NUDT3: variants seen among roughly 807,000 people sequenced by gnomAD.
NUDT3 encodes diphosphoinositol polyphosphate phosphohydrolase 1.
A neutral mutation model predicts 23.6 loss-of-function variants in NUDT3; 9 were observed. The observed-to-expected ratio is 0.38, with a 90% confidence interval of 0.23 to 0.66. The LOEUF is 0.66. NUDT3 is among the 30% of genes least tolerant of loss of function. NUDT3 has a pLI of 0.52. For synonymous variants in NUDT3, 86 were observed against 82.6 expected (o/e 1.04, Z -0.22); for missense variants, 172 against 218.5 (o/e 0.79, Z 1.34).
intron 1 of NUDT3, among the ~76,000 whole-genome samples, chr6:34,345,687 G>A (rs1038288885): frequency 6.7e-6 from 1 of 150,060 alleles, no homozygotes; most frequent in Non-Finnish European, 1.5e-5. Flanking sequence ...AAAAGCTGAA[G>A]GGACTCAGTG....
chr6:34,282,221 G>T lies in NUDT3; in HGVS notation c.*6532C>A, dbSNP rs1224659898. 1.3e-5 allele frequency: 2 copies of T among 151,718 alleles called. No homozygotes were observed. Among genetic ancestry groups the T allele is most frequent in the East Asian group, 3.9e-4 (2 of 5,182 alleles). 9.4% of individuals were successfully genotyped at this position (151,718 alleles called of 1,614,324 possible). A position where few individuals can be genotyped will look rare whatever the true frequency, so the allele number is the denominator to read the frequency against. On this transcript the variant is annotated 3_prime_UTR_variant, in exon 5 of 5. Coordinates refer to ENST00000607016, the MANE Select transcript of NUDT3 (RefSeq NM_006703.4). ...TTTAACCTGAGAAACTTTTTTTTTG[G>T]CAAGATAATAAAGAGGTTAAAGAGG...
At chr6:34,303,935 T>C (rs1482113212) in intron 2 of NUDT3, among the ~76,000 whole-genome samples, 3 of 152,074 alleles carry the variant, frequency 2.0e-5, no homozygotes, top group African/African-American at 7.2e-5. Context: ...GCCTAAAACA[T>C]TTACTATCTG....
chr6:34,317,357 G>A (rs1763878140), intron 2 of NUDT3, among the ~76,000 whole-genome samples: 1 of 151,904 alleles, frequency 6.6e-6, no homozygotes, highest in Admixed American at 6.6e-5. Flanking sequence ...CCTACCTACT[G>A]TATTTAAAGC....
intron 2 of NUDT3, among the ~76,000 whole-genome samples, chr6:34,323,279 C>T (rs898237779): frequency 6.6e-6 from 1 of 151,900 alleles, no homozygotes; most frequent in South Asian, 2.1e-4. Context: ...TGGGCGGGCA[C>T]AAAGAAAGAC....
At position 34,392,393 on chromosome 6, in the gene NUDT3, G is replaced by C. The variant is rs756860320; in HGVS notation, c.-31C>G. The stretch of plus-strand genomic sequence containing the variant: ...GGGCCCGGGTGGGGGTGCGGTGCGG[G>C]TCGCAGGAGTCGAGGGGTGGGGAGC... On this transcript the variant is annotated 5_prime_UTR_variant, in exon 1 of 5. Transcript: ENST00000607016. The C allele has an allele frequency of 7.5e-5, 117 of 1,558,634 alleles. No individual in the cohort carries two copies. Among genetic ancestry groups the C allele is most frequent in the South Asian group, 5.7e-5 (5 of 87,578 alleles).
intron 1 of NUDT3, among the ~76,000 whole-genome samples, chr6:34,381,715 G>A (rs2113767957): frequency 6.6e-6 from 1 of 152,228 alleles, no homozygotes; most frequent in East Asian, 1.9e-4. Flanking sequence ...CAGCACATTT[G>A]GTTAATGATG....
chr6:34,377,724 T>A (rs1411306092), intron 1 of NUDT3, among the ~76,000 whole-genome samples: 1 of 151,790 alleles, frequency 6.6e-6, no homozygotes. Flanking sequence ...CCCCAGCTAC[T>A]TGGGAGGCTG....
intron 2 of NUDT3, among the ~76,000 whole-genome samples, chr6:34,322,302 C>T (rs140044622): frequency 0.025 from 3,771 of 151,916 alleles, 137 homozygotes; most frequent in African/African-American, 0.082. Context: ...ACGATTTCAG[C>T]TCACTGCAAC....
chr6:34,334,496 G>A (rs568447868), intron 2 of NUDT3, among the ~76,000 whole-genome samples: 4 of 151,862 alleles, frequency 2.6e-5, no homozygotes, highest in East Asian at 1.9e-4. Context: ...GAAACTAGCC[G>A]GGCATGGTAG....
rs888858316 is a variant in NUDT3 at position 34,291,512 on chromosome 6, A to AT, written c.340+1938dup. ...TAGCTTTTCTTTAACATTGACAAAA[A>AT]TTTTTTTTTTTGAAACAGTCTTATC... On this transcript the variant is annotated intron_variant, in intron 4 of 4. Transcript: ENST00000607016. Among the ~76,000 whole-genome samples the AT allele has an allele frequency of 2.2e-4, 32 of 148,162 alleles. 1 individual carries two copies. The highest frequency in any genetic ancestry group is 7.9e-4 in the East Asian group (4 of 5,048).
At chr6:34,321,118 G>A (rs1235581265) in intron 2 of NUDT3, among the ~76,000 whole-genome samples, 6 of 152,010 alleles carry the variant, frequency 3.9e-5, no homozygotes, top group African/African-American at 1.4e-4. Context: ...GTCCAAGATA[G>A]CACAGACATC....
intron 1 of NUDT3, among the ~76,000 whole-genome samples, chr6:34,352,140 T>C (rs552981788): frequency 2.6e-5 from 4 of 152,302 alleles, no homozygotes; most frequent in South Asian, 4.1e-4. Context: ...ATATTTAAAA[T>C]GCTCCAGTTT....
At position 34,324,355 on chromosome 6, in the gene NUDT3, C is replaced by CA. The variant is rs771271813; in HGVS notation, c.210+17506dup. 2.3e-3 allele frequency among the ~76,000 whole-genome samples: 260 copies of CA among 114,652 alleles called. 1 individual carries two copies. Among genetic ancestry groups the CA allele is most frequent in the East Asian group, 0.014 (57 of 4,006 alleles). 75.2% of individuals were successfully genotyped at this position (114,652 alleles called of 152,430 possible). Reference sequence around the variant, plus strand: ...GGGCGACAGAGCAAGACTACGCTTCCAAAAAAAAAAAAAAGCCTTCAGAAT... The same window carrying CA: ...GGGCGACAGAGCAAGACTACGCTTCCAAAAAAAAAAAAAAAGCCTTCAGAAT... On this transcript the variant is annotated intron_variant, in intron 2 of 4. Transcript: ENST00000607016.
intron 2 of NUDT3, among the ~76,000 whole-genome samples, chr6:34,335,665 T>A (rs994938064): frequency 1.3e-5 from 2 of 151,592 alleles, no homozygotes; most frequent in African/African-American, 4.8e-5. Flanking sequence ...ATTTAAAGAC[T>A]CTAAAACATC....
At chr6:34,301,285 T>C (rs949749839) in intron 2 of NUDT3, among the ~76,000 whole-genome samples, 1 of 152,226 alleles carries the variant, frequency 6.6e-6, no homozygotes, top group African/African-American at 2.4e-5. Flanking sequence ...TTTTGGTAGA[T>C]CAACTGCAGA....
chr6:34,391,685 G>T (rs1292620746), intron 1 of NUDT3, among the ~76,000 whole-genome samples: 1 of 152,032 alleles, frequency 6.6e-6, no homozygotes, highest in African/African-American at 2.4e-5. Context: ...GCTACCCAGC[G>T]CACTGTAAAA....
At chr6:34,380,343 C>T (rs533472235) in intron 1 of NUDT3, among the ~76,000 whole-genome samples, 2 of 152,158 alleles carry the variant, frequency 1.3e-5, no homozygotes, top group South Asian at 2.1e-4. Flanking sequence ...CGAGCCACAG[C>T]GCCCAGCCCT....
chr6:34,359,032 G>A (rs1764605757), intron 1 of NUDT3, among the ~76,000 whole-genome samples: 1 of 152,076 alleles, frequency 6.6e-6, no homozygotes. Flanking sequence ...GGAAGATAAG[G>A]AGTTATCACA....
At chr6:34,311,795 G>A (rs1763776864) in intron 2 of NUDT3, among the ~76,000 whole-genome samples, 1 of 152,064 alleles carries the variant, frequency 6.6e-6, no homozygotes, top group African/African-American at 2.4e-5. Flanking sequence ...CTTTGACAAA[G>A]GAATAAGAAC....
Sources: allele counts gnomAD v4.1 joint callset (sites outside exome capture counted in the v4.1 genomes callset), GRCh38; gene constraint gnomAD v4.1.1; transcripts MANE v1.5; gene names NCBI Gene and HGNC (gene_info 2026-07-23, HGNC 2026-07-21).